The following MACROD2 variants were observed in gnomAD, a reference collection of about 807,000 sequenced individuals.
MACROD2 encodes the protein ADP-ribose glycohydrolase MACROD2.
A neutral mutation model predicts 70.4 loss-of-function variants in MACROD2; 36 were observed. The ratio of observed to expected loss-of-function variants is 0.51; its 90% confidence interval spans 0.39 to 0.68. The LOEUF is 0.68. Among genes scored for constraint, MACROD2 ranks in the 30% least tolerant of loss-of-function variants. The pLI is 0.00. For missense variants in MACROD2, 496 were observed against 538.4 expected (o/e 0.92, Z 0.78); for synonymous variants, 172 against 178.8 (o/e 0.96, Z 0.30).
At chr20:14,218,190 G>C (rs374067416) in intron 3 of MACROD2, among the ~76,000 whole-genome samples, 1 of 152,156 alleles carries the variant, frequency 6.6e-6, no homozygotes, top group Non-Finnish European at 1.5e-5. Context: ...AAATTTGGGA[G>C]CCCCAGTGTT....
intron 5 of MACROD2, among the ~76,000 whole-genome samples, chr20:15,179,889 C>T (rs547616382): frequency 6.6e-6 from 1 of 152,282 alleles, no homozygotes; most frequent in South Asian, 2.1e-4. Context: ...ATACCACAGA[C>T]CAGATGGCTT....
At chr20:14,293,215 C>T (rs2082400351) in intron 3 of MACROD2, among the ~76,000 whole-genome samples, 1 of 151,518 alleles carries the variant, frequency 6.6e-6, no homozygotes, top group African/African-American at 2.4e-5. Flanking sequence ...CTATTCTAGG[C>T]ACTGGAGATA....
chr20:14,408,632 G>C (rs1401881914), intron 3 of MACROD2, among the ~76,000 whole-genome samples: 1 of 152,114 alleles, frequency 6.6e-6, no homozygotes, highest in African/African-American at 2.4e-5. Flanking sequence ...AACATGGGTG[G>C]ACCCAAAGAG....
At chr20:15,369,920 TG>T (rs774425366) in intron 6 of MACROD2, among the ~76,000 whole-genome samples, 3 of 152,154 alleles carry the variant, frequency 2.0e-5, no homozygotes, top group Non-Finnish European at 4.4e-5. Flanking sequence ...TTCTTGCACC[TG>T]GAATCATTTC....
At chr20:15,598,437 G>C (rs992509510) in intron 8 of MACROD2, among the ~76,000 whole-genome samples, 1 of 152,104 alleles carries the variant, frequency 6.6e-6, no homozygotes, top group Non-Finnish European at 1.5e-5. Context: ...TGTGTCTGTT[G>C]CATGTAGGTG....
At chr20:14,520,952 T>TGC (rs202009454) in intron 4 of MACROD2, among the ~76,000 whole-genome samples, 21,495 of 114,662 alleles carry the variant, frequency 0.19, 1,828 homozygotes, top group East Asian at 0.47. Context: ...CACGCGTGCG[T>TGC]GCGCGCACAC....
At chr20:14,859,136 T>C (rs451077) in intron 5 of MACROD2, among the ~76,000 whole-genome samples, 14,508 of 152,014 alleles carry the variant, frequency 0.095, 878 homozygotes, top group Non-Finnish European at 0.14. Flanking sequence ...ATATCCTGCT[T>C]AGGTGATGGC....
intron 7 of MACROD2, among the ~76,000 whole-genome samples, chr20:15,447,446 T>A (rs1227137271): frequency 1.3e-5 from 2 of 152,152 alleles, no homozygotes; most frequent in Non-Finnish European, 2.9e-5. Context: ...AGTGCCCATC[T>A]CAAAGGGGCC....
chr20:14,199,241 G>A (rs779814199), intron 3 of MACROD2, among the ~76,000 whole-genome samples: 1 of 152,146 alleles, frequency 6.6e-6, no homozygotes, highest in African/African-American at 2.4e-5. Flanking sequence ...AACTAAAATG[G>A]ACATTGTCTT....
intron 8 of MACROD2, among the ~76,000 whole-genome samples, chr20:15,671,512 A>G (rs1402237156): frequency 6.6e-6 from 1 of 152,298 alleles, no homozygotes; most frequent in Non-Finnish European, 1.5e-5. Context: ...CATCATAAAG[A>G]ACGTGAGGAG....
At chr20:14,525,816 T>C (rs2085224526) in intron 4 of MACROD2, among the ~76,000 whole-genome samples, 1 of 152,264 alleles carries the variant, frequency 6.6e-6, no homozygotes, top group Non-Finnish European at 1.5e-5. Flanking sequence ...AGATATCAAA[T>C]AAATCATATA....
intron 5 of MACROD2, among the ~76,000 whole-genome samples, chr20:14,727,940 C>A (rs2071549252): frequency 6.6e-6 from 1 of 152,106 alleles, no homozygotes; most frequent in Admixed American, 6.6e-5. Flanking sequence ...GGCTCTTGTG[C>A]AATCCTTTCA....
At chr20:14,816,997 A>G (rs150710261) in intron 5 of MACROD2, among the ~76,000 whole-genome samples, 63 of 152,310 alleles carry the variant, frequency 4.1e-4, no homozygotes, top group African/African-American at 1.1e-3. Flanking sequence ...TTAACATTAT[A>G]TAAGAACACA....
At chr20:14,006,585 T>C (rs2052825345) in intron 2 of MACROD2, among the ~76,000 whole-genome samples, 1 of 152,220 alleles carries the variant, frequency 6.6e-6, no homozygotes, top group African/African-American at 2.4e-5. Flanking sequence ...TTCATGTTTT[T>C]CCCATTGTCT....
intron 15 of MACROD2, among the ~76,000 whole-genome samples, chr20:16,037,725 G>C (rs1568728168): frequency 6.6e-6 from 1 of 151,946 alleles, no homozygotes; most frequent in East Asian, 1.9e-4. Flanking sequence ...GTCTGTTTGT[G>C]TCTTGTCCAC....
intron 5 of MACROD2, among the ~76,000 whole-genome samples, chr20:15,052,536 ATT>A (rs2075450588): frequency 6.6e-6 from 1 of 152,136 alleles, no homozygotes; most frequent in East Asian, 1.9e-4. Flanking sequence ...TACTATTGTC[ATT>A]GTTTTGGGGT....
chr20:14,377,829 G>A (rs905849729), intron 3 of MACROD2, among the ~76,000 whole-genome samples: 14 of 152,142 alleles, frequency 9.2e-5, no homozygotes, highest in Non-Finnish European at 1.3e-4. Flanking sequence ...CACATATAAA[G>A]TACCATGTCA....
At chr20:15,591,444 C>G (rs1028808863) in intron 8 of MACROD2, among the ~76,000 whole-genome samples, 1 of 151,780 alleles carries the variant, frequency 6.6e-6, no homozygotes, top group Middle Eastern at 3.4e-3. Context: ...GACATGACAC[C>G]TAATTCCTCT....
chr20:15,533,667 G>A (rs1179544351), intron 8 of MACROD2, among the ~76,000 whole-genome samples: 1 of 152,088 alleles, frequency 6.6e-6, no homozygotes. Context: ...CATCCTGTAG[G>A]TACTTTGCAG....
Sources: allele counts gnomAD v4.1 joint callset (sites outside exome capture counted in the v4.1 genomes callset), GRCh38; gene constraint gnomAD v4.1.1; transcripts MANE v1.5; gene names NCBI Gene and HGNC (gene_info 2026-07-23, HGNC 2026-07-21).